ADGRL2: variants seen among roughly 807,000 people sequenced by gnomAD.
ADGRL2 encodes the protein calcium-independent alpha-latrotoxin receptor 2.
ADGRL2 carries 44 observed loss-of-function variants against 157.4 expected under a neutral mutation model. That is an observed-to-expected ratio of 0.28 (90% CI 0.22 to 0.36). ADGRL2 has a LOEUF of 0.36. Ranked by LOEUF, ADGRL2 falls within the 10% of genes least tolerant of loss-of-function variation. The pLI is 1.00. For synonymous variants in ADGRL2, 585 were observed against 624.7 expected (o/e 0.94, Z 0.95); for missense variants, 1,510 against 1,768.9 (o/e 0.85, Z 2.63).
At chr1:81,722,710 AC>A (rs2084374107) in intron 1 of ADGRL2, 1 of 987,306 alleles carries the variant, frequency 1.0e-6, no homozygotes, top group African/African-American at 1.6e-5. Context: ...TATGAGCGAA[AC>A]GTGAAGAGCG....
intron 3 of ADGRL2, among the ~76,000 whole-genome samples, chr1:81,680,224 C>T (rs936109437): frequency 2.6e-5 from 4 of 152,162 alleles, no homozygotes; most frequent in Non-Finnish European, 4.4e-5. Flanking sequence ...ATTGCTCAAT[C>T]TCAGGGGGCA....
chr1:81,521,388 A>C (rs1049265056), intron 2 of ADGRL2, among the ~76,000 whole-genome samples: 4 of 152,316 alleles, frequency 2.6e-5, no homozygotes, highest in African/African-American at 9.6e-5. Context: ...TACAGGTAAA[A>C]TTATGATTTC....
intron 11 of ADGRL2, among the ~76,000 whole-genome samples, chr1:81,960,948 A>G (rs1474444308): frequency 1.3e-5 from 2 of 152,116 alleles, no homozygotes; most frequent in African/African-American, 4.8e-5. Context: ...TGTCATCTTC[A>G]GTTCTGCTCC....
rs1211204450 is a variant in ADGRL2, at chr1:81,427,562, G to A, written c.-301-17474G>A. On this transcript the variant is annotated intron_variant, in intron 1 of 24. Transcript: ENST00000370721. Reference sequence around the variant, plus strand: ...GGAAGAAGCTCATCCCTATGATGGTGGTTATGGATCTGGTGATGGACATGG... The same window carrying A: ...GGAAGAAGCTCATCCCTATGATGGTAGTTATGGATCTGGTGATGGACATGG... 4.0e-6 allele frequency: 3 copies of A among 742,522 alleles called. No homozygotes were observed. In the East Asian group the frequency reaches 7.4e-5, roughly 18 times the overall value. The allele number at this position is 742,522 out of a possible 1,614,324, so 46.0% of individuals were successfully genotyped here.
intron 3 of ADGRL2, among the ~76,000 whole-genome samples, chr1:81,929,693 T>C (rs1368011747): frequency 6.6e-6 from 1 of 152,184 alleles, no homozygotes; most frequent in Non-Finnish European, 1.5e-5. Flanking sequence ...TGAGCCTGTT[T>C]TTAAAGCTGT....
intron 3 of ADGRL2, chr1:81,581,110 A>C (rs570774241): frequency 6.6e-6 from 1 of 152,338 alleles, no homozygotes; most frequent in Admixed American, 6.5e-5. Flanking sequence ...ACAAGTGAAA[A>C]ATGCCTTTTT....
chr1:81,508,152 A>G (rs530963621), intron 2 of ADGRL2, among the ~76,000 whole-genome samples: 35 of 152,354 alleles, frequency 2.3e-4, no homozygotes, highest in African/African-American at 8.2e-4. Context: ...CTGAAATAAC[A>G]CAATTCATAT....
intron 2 of ADGRL2, chr1:81,505,172 C>G (rs1168073333): frequency 2.0e-5 from 10 of 508,656 alleles, no homozygotes; most frequent in Non-Finnish European, 3.8e-5. Flanking sequence ...CTTCTCTCAG[C>G]CCTCCACACA....
chr1:81,981,841 T>C lies in ADGRL2; in HGVS notation c.3147T>C (p.Cys1049=). ...TGCTTGGCGCTTTCGCTCTTCTGTGTCTTCTTGGCCTCACCTGGTCCTTTG... is the reference window on the plus strand; with the variant it reads ...TGCTTGGCGCTTTCGCTCTTCTGTGCCTTCTTGGCCTCACCTGGTCCTTTG... ...SWVLGAFALL[C]LLGLTWSFGL... is the part of the protein sequence containing the mutation. The change falls in exon 19 of 24, where the codon TGT becomes TGC. Residue 1049 remains cysteine (C), a synonymous_variant. Transcript: ENST00000686636. The C allele has an allele frequency of 6.2e-7, 1 of 1,611,688 alleles. No individual in the cohort carries two copies. The highest frequency in any genetic ancestry group is 8.5e-7 in the Non-Finnish European group (1 of 1,178,732).
chr1:81,708,651 T>C (rs1557584446), intron 1 of ADGRL2, among the ~76,000 whole-genome samples: 1 of 151,052 alleles, frequency 6.6e-6, no homozygotes, highest in Non-Finnish European at 1.5e-5. Context: ...TATATATATA[T>C]ATATACACAC....
intron 3 of ADGRL2, among the ~76,000 whole-genome samples, chr1:81,604,620 C>T (rs150941679): frequency 6.6e-6 from 1 of 152,252 alleles, no homozygotes; most frequent in East Asian, 1.9e-4. Flanking sequence ...ACTTTCAGTG[C>T]TAAAATCAAG....
At chr1:81,814,283 T>C (rs2090166415) in intron 1 of ADGRL2, among the ~76,000 whole-genome samples, 2 of 151,792 alleles carry the variant, frequency 1.3e-5, no homozygotes, top group Admixed American at 1.3e-4. Flanking sequence ...ATATATTAAT[T>C]GTTCTTGCAT....
intron 3 of ADGRL2, among the ~76,000 whole-genome samples, chr1:81,655,086 G>C (rs1479474518): frequency 6.6e-6 from 1 of 152,138 alleles, no homozygotes; most frequent in Non-Finnish European, 1.5e-5. Context: ...TAAGAGCCAG[G>C]GGGGCAAGAG....
intron 1 of ADGRL2, among the ~76,000 whole-genome samples, chr1:81,419,428 G>A (rs1403666576): frequency 1.3e-5 from 2 of 152,054 alleles, no homozygotes; most frequent in Admixed American, 6.6e-5. Context: ...GGCTGGTCTC[G>A]AACTCCTGAC....
At chr1:81,961,189 T>C (rs1655251197) in intron 11 of ADGRL2, among the ~76,000 whole-genome samples, 1 of 152,202 alleles carries the variant, frequency 6.6e-6, no homozygotes, top group African/African-American at 2.4e-5. Flanking sequence ...AGAAAATCTA[T>C]TGAATAAGGC....
intron 3 of ADGRL2, among the ~76,000 whole-genome samples, chr1:81,933,543 C>CT (rs2095265852): frequency 6.6e-6 from 1 of 152,182 alleles, no homozygotes; most frequent in Admixed American, 6.5e-5. Context: ...AAGCTGAGCC[C>CT]TTGGCGGGAA....
chr1:81,387,055 A>T (rs1289913196), intron 1 of ADGRL2, among the ~76,000 whole-genome samples: 1 of 152,138 alleles, frequency 6.6e-6, no homozygotes, highest in East Asian at 1.9e-4. Context: ...TCTGACTTTT[A>T]TGAGAGTTGG....
At chr1:81,428,335 T>TA (rs57763882) in intron 1 of ADGRL2, among the ~76,000 whole-genome samples, 25,006 of 146,616 alleles carry the variant, frequency 0.17, 2,125 homozygotes, top group South Asian at 0.27. Flanking sequence ...ATCTCAAAAT[T>TA]AAAAAAAAAA....
At chr1:81,349,078 A>C (rs1357224424) in intron 1 of ADGRL2, among the ~76,000 whole-genome samples, 2 of 152,128 alleles carry the variant, frequency 1.3e-5, no homozygotes, top group Admixed American at 1.3e-4. Context: ...AAGTTTTATG[A>C]TTGTATATTC....
Sources: allele counts gnomAD v4.1 joint callset (sites outside exome capture counted in the v4.1 genomes callset), GRCh38; gene constraint gnomAD v4.1.1; transcripts MANE v1.5; gene names NCBI Gene and HGNC (gene_info 2026-07-23, HGNC 2026-07-21).